ADGRL2: variants seen among roughly 807,000 people sequenced by gnomAD.
ADGRL2 encodes adhesion G protein-coupled receptor L2, also known as calcium-independent alpha-latrotoxin receptor 2.
A neutral mutation model predicts 157.4 loss-of-function variants in ADGRL2; 44 were observed. The observed-to-expected ratio is 0.28, with a 90% CI of 0.22 to 0.36. The LOEUF (loss-of-function observed/expected upper bound fraction) is 0.36. Ranked by LOEUF, ADGRL2 falls within the 10% of genes least tolerant of loss-of-function variation. The probability of loss-of-function intolerance (pLI) is 1.00; values close to 1 mark genes in which losing one functional copy is unlikely to be tolerated. For missense variants in ADGRL2, 1,510 were observed against 1,768.9 expected (o/e 0.85, Z 2.63); for synonymous variants, 585 against 624.7 (o/e 0.94, Z 0.95).
intron 3 of ADGRL2, among the ~76,000 whole-genome samples, chr1:81,589,503 A>G (rs1477222304): frequency 6.6e-6 from 1 of 152,182 alleles, no homozygotes; most frequent in Non-Finnish European, 1.5e-5. Context: ...AACTTGCCCT[A>G]GTAAATATAT....
At chr1:81,588,505 G>A (rs2081070310) in intron 3 of ADGRL2, 1 of 152,176 alleles carries the variant, frequency 6.6e-6, no homozygotes, top group Admixed American at 6.6e-5. Context: ...TGTGTCCCAA[G>A]CCCGTAACAT....
At chr1:81,599,794 G>A (rs2081302872) in intron 3 of ADGRL2, among the ~76,000 whole-genome samples, 1 of 152,062 alleles carries the variant, frequency 6.6e-6, no homozygotes, top group Admixed American at 6.6e-5. Context: ...GTCCATTTAG[G>A]TGACATCAGA....
chr1:81,864,997 C>T (rs1258398058), intron 2 of ADGRL2, among the ~76,000 whole-genome samples: 1 of 151,848 alleles, frequency 6.6e-6, no homozygotes, highest in Non-Finnish European at 1.5e-5. Context: ...AAAGAAAAAC[C>T]ACCCCCAAAA....
intron 1 of ADGRL2, among the ~76,000 whole-genome samples, chr1:81,312,838 A>G (rs1028429627): frequency 4.6e-5 from 7 of 152,192 alleles, no homozygotes; most frequent in Non-Finnish European, 1.0e-4. Flanking sequence ...ACTGGAAAAC[A>G]AAAACCAAAG....
chr1:81,937,211 C>T (rs1485905767), intron 4 of ADGRL2, among the ~76,000 whole-genome samples: 2 of 151,888 alleles, frequency 1.3e-5, no homozygotes, highest in East Asian at 3.9e-4. Context: ...TCGTGAGCTA[C>T]TTGAATGGCT....
At chr1:81,764,311 G>C (rs1048559713) in intron 2 of ADGRL2, among the ~76,000 whole-genome samples, 26 of 151,394 alleles carry the variant, frequency 1.7e-4, no homozygotes, top group African/African-American at 6.3e-4. Flanking sequence ...GGCACTATTA[G>C]AATATTTTTG....
intron 1 of ADGRL2, among the ~76,000 whole-genome samples, chr1:81,742,208 TG>T (rs2085094923): frequency 6.6e-6 from 1 of 151,974 alleles, no homozygotes; most frequent in South Asian, 2.1e-4. Context: ...CCTAGTTCGT[TG>T]GGCATAAAAG....
At chr1:81,633,857 T>G (rs1030711532) in intron 3 of ADGRL2, among the ~76,000 whole-genome samples, 1 of 151,998 alleles carries the variant, frequency 6.6e-6, no homozygotes, top group Non-Finnish European at 1.5e-5. Context: ...AGGCTAAGGG[T>G]AAGGTCAACC....
At chr1:81,470,113 C>G (rs1045738102) in intron 2 of ADGRL2, among the ~76,000 whole-genome samples, 2 of 152,178 alleles carry the variant, frequency 1.3e-5, no homozygotes, top group Non-Finnish European at 2.9e-5. Flanking sequence ...TTTCAACAAC[C>G]TATTTTATTC....
At chr1:81,808,846 T>G (rs995031850) in intron 1 of ADGRL2, among the ~76,000 whole-genome samples, 6 of 152,018 alleles carry the variant, frequency 3.9e-5, no homozygotes, top group African/African-American at 1.2e-4. Flanking sequence ...GCACCCAGAT[T>G]TACGGAAGTG....
chr1:81,480,788 A>C (rs368369522), intron 2 of ADGRL2, among the ~76,000 whole-genome samples: 1 of 152,172 alleles, frequency 6.6e-6, no homozygotes, highest in African/African-American at 2.4e-5. Flanking sequence ...CTGAAGTGCA[A>C]AAAGGCAAGG....
intron 3 of ADGRL2, among the ~76,000 whole-genome samples, chr1:81,607,368 A>G (rs913841465): frequency 9.2e-5 from 14 of 152,326 alleles, no homozygotes; most frequent in African/African-American, 3.1e-4. Flanking sequence ...GGAATTTTTA[A>G]TCTAGTGGTA....
intron 3 of ADGRL2, among the ~76,000 whole-genome samples, chr1:81,638,072 T>A (rs1398393297): frequency 1.3e-5 from 2 of 152,046 alleles, no homozygotes; most frequent in African/African-American, 4.8e-5. Flanking sequence ...ATAATGGGGC[T>A]GGAATTACTT....
chr1:81,544,779 C>T (rs1213746205), intron 2 of ADGRL2, among the ~76,000 whole-genome samples: 3 of 152,124 alleles, frequency 2.0e-5, no homozygotes, highest in Admixed American at 2.0e-4. Context: ...CAATAGTGAG[C>T]CACTACATTT....
chr1:81,564,727 C>T (rs900969832), intron 2 of ADGRL2, among the ~76,000 whole-genome samples: 1 of 152,164 alleles, frequency 6.6e-6, no homozygotes, highest in South Asian at 2.1e-4. Flanking sequence ...GGGAATTATA[C>T]ATGCATACCA....
At chr1:81,500,012 GA>G (rs1341357358) in intron 2 of ADGRL2, among the ~76,000 whole-genome samples, 4 of 152,062 alleles carry the variant, frequency 2.6e-5, no homozygotes, top group Non-Finnish European at 5.9e-5. Flanking sequence ...GGCTGAAAAA[GA>G]AAAAGATTCT....
intron 1 of ADGRL2, among the ~76,000 whole-genome samples, chr1:81,732,733 T>C (rs543132603): frequency 6.6e-6 from 1 of 152,338 alleles, no homozygotes; most frequent in South Asian, 2.1e-4. Flanking sequence ...CAGTGGAGGA[T>C]AGTAGACTAA....
At chr1:81,574,703 T>G (rs780453649) in intron 2 of ADGRL2, among the ~76,000 whole-genome samples, 5 of 152,176 alleles carry the variant, frequency 3.3e-5, no homozygotes, top group African/African-American at 4.8e-5. Flanking sequence ...GCAACTGGAC[T>G]CATTTCACTG....
intron 3 of ADGRL2, among the ~76,000 whole-genome samples, chr1:81,609,615 C>T (rs919898264): frequency 6.6e-6 from 1 of 152,182 alleles, no homozygotes; most frequent in Non-Finnish European, 1.5e-5. Context: ...TGGAGCACCA[C>T]CTCTCTGTCC....
Sources: gnomAD v4.1 joint callset for allele counts (sites outside exome capture counted in the v4.1 genomes callset) on GRCh38, gnomAD v4.1.1 for gene constraint, MANE v1.5 for transcripts, NCBI Gene and HGNC (gene_info 2026-07-23, HGNC 2026-07-21) for gene names.